Variants in ZC3H14 observed in about 807,000 individuals in gnomAD.
ZC3H14 encodes the protein zinc finger CCCH-type containing 14, also known as zinc finger CCCH domain-containing protein 14.
Under a neutral mutation model 92.4 loss-of-function variants are expected in ZC3H14, and 31 were observed. The ratio of observed to expected loss-of-function variants is 0.34; its 90% CI spans 0.25 to 0.45. The LOEUF (loss-of-function observed/expected upper bound fraction) is 0.45. Among genes scored for constraint, ZC3H14 ranks in the 20% least tolerant of loss-of-function variants. ZC3H14 has a pLI of 1.00. For synonymous variants in ZC3H14, 321 were observed against 300.9 expected, an observed-to-expected ratio of 1.07 and a Z score of -0.69; for missense variants, 781 against 897.3, an observed-to-expected ratio of 0.87 and a Z score of 1.66.
intron 15 of ZC3H14, among the ~76,000 whole-genome samples, 177 bp from the exon 16 acceptor site, chr14:88,610,657 A>AT (rs1192829985): frequency 1.3e-5 from 2 of 150,928 alleles, no homozygotes; most frequent in East Asian, 2.0e-4. Flanking sequence ...AAAAAAAAAA[A>AT]AACAGGCTTG....
chr14:88,622,511 G>T lies in ZC3H14; in HGVS notation c.*10760G>T. 1.0e-6 allele frequency: 1 copy of T among 995,222 alleles called. No homozygotes were observed. The highest frequency in any genetic ancestry group is 1.4e-6 in the Non-Finnish European group (1 of 700,114). 61.6% of individuals were successfully genotyped at this position (995,222 alleles called of 1,614,324 possible). On this transcript the variant is annotated 3_prime_UTR_variant, in exon 17 of 17. Transcript: ENST00000251038. ...CAAATCCATCGTTATGCATTATTAA[G>T]TATTGTTCATTAGGCTGCAAAGGGT...
Position 88,620,601 on chromosome 14 carries a change from T to C in ZC3H14, c.*8850T>C. 1.7e-6 allele frequency: 1 copy of C among 596,166 alleles called. No homozygotes were observed. The highest frequency in any genetic ancestry group is 2.7e-6 in the Non-Finnish European group (1 of 373,890). The allele number at this position is 596,166 out of a possible 1,614,324, so 36.9% of individuals were successfully genotyped here. A position where few individuals can be genotyped will look rare whatever the true frequency, so the allele number is the denominator to read the frequency against. On this transcript the variant is annotated 3_prime_UTR_variant, in exon 17 of 17. Coordinates refer to ENST00000251038, the MANE Select transcript of ZC3H14 (RefSeq NM_024824.5). The surrounding 1 kb of genome is among the most constrained non-coding windows in gnomAD (Gnocchi z 4.3). Reference sequence around the variant, plus strand: ...TAATTTAGCAAGAAGAATTAAGTAGTATACAAACAGCCATATTTTAGCATA... The same window carrying C: ...TAATTTAGCAAGAAGAATTAAGTAGCATACAAACAGCCATATTTTAGCATA...
At chr14:88,602,593 T>C (rs1191615828) in intron 11 of ZC3H14, among the ~76,000 whole-genome samples, 1 of 152,174 alleles carries the variant, frequency 6.6e-6, no homozygotes, top group Non-Finnish European at 1.5e-5. Context: ...GAGGGGAGAT[T>C]GTCCTTAGTA....
rs142496269 is a variant in ZC3H14, at chr14:88,613,680, T to C, written c.*1929T>C. On this transcript the variant is annotated 3_prime_UTR_variant, in exon 17 of 17. Transcript: ENST00000251038. ...CACAAAAAAAGGAAGGAAATGAGCA[T>C]GGTTGGCGATTGGAAGCAAGGGTAC... 1.3e-5 allele frequency: 2 copies of C among 152,168 alleles called. No homozygotes were observed. The highest frequency in any genetic ancestry group is 4.8e-5 in the African/African-American group (2 of 41,522). The allele number at this position is 152,168 out of a possible 1,614,324, so 9.4% of individuals were successfully genotyped here.
At chr14:88,601,725 C>T (rs769310817) in intron 10 of ZC3H14, among the ~76,000 whole-genome samples, 199 bp from the exon 11 acceptor site, 11 of 152,166 alleles carry the variant, frequency 7.2e-5, no homozygotes, top group African/African-American at 1.2e-4. Context: ...CCGTGCCCTA[C>T]GCGAGAAGGA....
chr14:88,571,955 T>C, intron 4 of ZC3H14, 75 bp from the exon 5 acceptor site: 1 of 1,225,470 alleles, frequency 8.2e-7, no homozygotes. Flanking sequence ...AGAGCGAGAC[T>C]CCATCTCAAA....
Position 88,621,481 on chromosome 14 carries a change from G to GT in ZC3H14, c.*9731dup. 4.7e-6 allele frequency: 3 copies of GT among 635,144 alleles called. No individual in the cohort carries two copies. The highest frequency in any genetic ancestry group is 8.3e-6 in the Non-Finnish European group (3 of 362,754). The allele number at this position is 635,144 out of a possible 1,614,324, so 39.3% of individuals were successfully genotyped here. A position where few individuals can be genotyped will look rare whatever the true frequency, so the allele number is the denominator to read the frequency against. ...TATGACTACAGGCACACATCTATCT[G>GT]TAAGCACAATGGGCTAGATTACATA... On this transcript the variant is annotated 3_prime_UTR_variant, in exon 17 of 17. Coordinates refer to ENST00000251038, the MANE Select transcript of ZC3H14 (RefSeq NM_024824.5).
rs1595156987 is a variant in ZC3H14, at chr14:88,612,729, T to C, written c.*978T>C. ...CTATAATTACAGAGATCAGATCAGATAGGTAAACTGCAAGATAGATAGGAT... is the reference window on the plus strand; with the variant it reads ...CTATAATTACAGAGATCAGATCAGACAGGTAAACTGCAAGATAGATAGGAT... On this transcript the variant is annotated 3_prime_UTR_variant, in exon 17 of 17. Coordinates refer to ENST00000251038, the MANE Select transcript of ZC3H14 (RefSeq NM_024824.5). The C allele has an allele frequency of 6.6e-6, 1 of 152,634 alleles. No homozygotes were observed. The highest frequency in any genetic ancestry group is 2.4e-5 in the African/African-American group (1 of 41,456). The allele number at this position is 152,634 out of a possible 1,614,324, so 9.5% of individuals were successfully genotyped here. A position where few individuals can be genotyped will look rare whatever the true frequency, so the allele number is the denominator to read the frequency against.
At chr14:88,567,618 AGCAAG>A (rs1179092074) in intron 2 of ZC3H14, among the ~76,000 whole-genome samples, 1 of 152,154 alleles carries the variant, frequency 6.6e-6, no homozygotes, top group Non-Finnish European at 1.5e-5. Context: ...ACCTGCCTTT[AGCAAG>A]GGTAAAGATG....
chr14:88,573,816 A>G (rs1435335002), intron 6 of ZC3H14: 2 of 152,308 alleles, frequency 1.3e-5, no homozygotes, highest in Admixed American at 6.5e-5. Context: ...GTGTTTCACC[A>G]TGTTGGACCA....
chr14:88,594,946 G>A (rs151311450), intron 9 of ZC3H14: 11 of 1,613,828 alleles, frequency 6.8e-6, no homozygotes, highest in South Asian at 3.3e-5. Flanking sequence ...AAATGTTAGA[G>A]TGTCCAAGAA....
rs573896026 is a variant in ZC3H14 at position 88,594,635 on chromosome 14, G to A, written c.1280-2099G>A. On this transcript the variant is annotated intron_variant, in intron 9 of 16. Transcript: ENST00000251038. Reference sequence around the variant, plus strand: ...AGCCTTGATCACTGCTTTTACTTTCGATGAAATAACTTAATGAGCTGTGAA... The same window carrying A: ...AGCCTTGATCACTGCTTTTACTTTCAATGAAATAACTTAATGAGCTGTGAA... 24 of 1,604,164 alleles carry A rather than the reference G, an allele frequency of 1.5e-5. No individual in the cohort carries two copies. In the East Asian group the frequency reaches 3.6e-4, roughly 24 times the overall value.
At chr14:88,574,944 G>A in intron 7 of ZC3H14, 91 bp downstream of exon 7, 1 of 1,583,940 alleles carries the variant, frequency 6.3e-7, no homozygotes, top group Non-Finnish European at 8.6e-7. Flanking sequence ...AATAATTTTT[G>A]TTTGTTTTTT....
intron 5 of ZC3H14, 89 bp downstream of exon 5, chr14:88,572,314 T>C (rs1234680698): frequency 6.3e-6 from 9 of 1,432,596 alleles, no homozygotes; most frequent in Admixed American, 6.0e-5. Context: ...TTTGCTGTTC[T>C]CAGCAATTTT....
In ZC3H14 at chr14:88,572,585, T is replaced by C; in HGVS notation, c.439T>C (p.Tyr147His). Residue 147 changes from tyrosine to histidine, a missense_variant, in exon 6 of 17, where the codon TAC becomes CAC. Around this residue, in one of 3 missense-constraint regions of ZC3H14, gnomAD observed 454 missense variants for 438.5 expected, o/e 1.04. Coordinates refer to ENST00000251038, the MANE Select transcript of ZC3H14 (RefSeq NM_024824.5). The part of the protein sequence containing the change: ...ESKTTNVRQT[Y>H]DDGAATRLMS... ...TGTTGTTCTTTTAAATAGACAGACT[T>C]ACGATGATGGAGCTGCAACCCGACT... The C allele has an allele frequency of 6.2e-7, 1 of 1,614,186 alleles. No homozygotes were observed. Among genetic ancestry groups the C allele is most frequent in the Non-Finnish European group, 8.5e-7 (1 of 1,180,038 alleles).
chr14:88,590,978 T>C (rs540856658), intron 9 of ZC3H14: 7 of 147,838 alleles, frequency 4.7e-5, no homozygotes, highest in African/African-American at 1.8e-4. Flanking sequence ...CCAGAGATTG[T>C]TGACATCTCA....
chr14:88,616,960 ATCTC>A lies in ZC3H14; in HGVS notation c.*5211_*5214del. ...TATTCAAAAAGTTTCTTGGCAATTA[ATCTC>A]TAAGTACCCTATCATGTTACTTAAA... On this transcript the variant is annotated 3_prime_UTR_variant, in exon 17 of 17. Transcript: ENST00000251038. 1 of 1,329,124 alleles carries A rather than the reference ATCTC, an allele frequency of 7.5e-7. No individual in the cohort carries two copies. Among genetic ancestry groups the A allele is most frequent in the Non-Finnish European group, 1.1e-6 (1 of 945,470 alleles). The allele number at this position is 1,329,124 out of a possible 1,614,324, so 82.3% of individuals were successfully genotyped here.
At position 88,616,648 on chromosome 14, in the gene ZC3H14, A is replaced by G; in HGVS notation, c.*4897A>G. ...TAGAAATTAGGACAAAACATTTTAA[A>G]TATATGGGGAAAAGTGCTGATGATA... On this transcript the variant is annotated 3_prime_UTR_variant, in exon 17 of 17. Transcript: ENST00000251038. The G allele has an allele frequency of 7.5e-7, 1 of 1,341,222 alleles. No individual in the cohort carries two copies. Among genetic ancestry groups the G allele is most frequent in the East Asian group, 2.5e-5 (1 of 40,164 alleles). 83.1% of individuals were successfully genotyped at this position (1,341,222 alleles called of 1,614,324 possible).
rs1192403618 is a variant in ZC3H14 at position 88,626,939 on chromosome 14, A to G, written c.*15188A>G. ...AGAGCTCTTCCTGCCAGGGTCCAGA[A>G]CTTCACATGTTTTACTCCCACTGAG... On this transcript the variant is annotated 3_prime_UTR_variant, in exon 17 of 17. Coordinates refer to ENST00000251038, the MANE Select transcript of ZC3H14 (RefSeq NM_024824.5). 1 of 1,613,876 alleles carries G rather than the reference A, an allele frequency of 6.2e-7. No individual in the cohort carries two copies. Among genetic ancestry groups the G allele is most frequent in the Non-Finnish European group, 8.5e-7 (1 of 1,179,884 alleles).
Sources: gnomAD v4.1 joint callset for allele counts (sites outside exome capture counted in the v4.1 genomes callset) on GRCh38, gnomAD v4.1.1 for gene constraint, gnomAD v4.1.1 regional missense constraint, Gnocchi (gnomAD v3.1) non-coding constraint, MANE v1.5 for transcripts, NCBI Gene and HGNC (gene_info 2026-07-23, HGNC 2026-07-21) for gene names.